The following FMN1 variants were observed in gnomAD, a reference collection of about 807,000 sequenced individuals.
FMN1 encodes the protein formin 1.
In FMN1, 110 loss-of-function variants were observed where a neutral mutation model predicts 132.4. That is an observed-to-expected ratio of 0.83 (90% confidence interval 0.71 to 0.97). FMN1 has a LOEUF of 0.97. FMN1 is among the 50% of genes least tolerant of loss of function. The pLI is 0.00. For missense variants in FMN1, 1,792 were observed against 1,705.3 expected (o/e 1.05, Z -0.90); for synonymous variants, 722 against 651.7 (o/e 1.11, Z -1.64).
intron 10 of FMN1, among the ~76,000 whole-genome samples, chr15:32,919,490 G>C (rs2060768141): frequency 6.6e-6 from 1 of 152,152 alleles, no homozygotes. Context: ...TGAGCCTTGA[G>C]ATATCAGGCT....
intron 7 of FMN1, among the ~76,000 whole-genome samples, chr15:32,997,931 T>C (rs2033874043): frequency 6.6e-6 from 1 of 152,184 alleles, no homozygotes; most frequent in Non-Finnish European, 1.5e-5. Flanking sequence ...GCTCAAGGAA[T>C]TCTGCTTTGT....
At chr15:33,074,331 G>C (rs983103134) in intron 5 of FMN1, among the ~76,000 whole-genome samples, 8 of 152,202 alleles carry the variant, frequency 5.3e-5, no homozygotes, top group African/African-American at 1.9e-4. Flanking sequence ...TACACATCTA[G>C]TTTTGTAGCA....
chr15:32,806,194 A>C (rs1204089242), intron 17 of FMN1, among the ~76,000 whole-genome samples: 2 of 152,220 alleles, frequency 1.3e-5, no homozygotes, highest in African/African-American at 4.8e-5. Context: ...AACGAAAATA[A>C]GTAAGTCTCG....
At chr15:33,166,662 G>T (rs2140311704) in intron 3 of FMN1, among the ~76,000 whole-genome samples, 1 of 152,290 alleles carries the variant, frequency 6.6e-6, no homozygotes, top group Admixed American at 6.5e-5. Flanking sequence ...TTCAGGGAGA[G>T]ATACTGGTAT....
chr15:33,149,247 C>A (rs1050309585), intron 4 of FMN1, among the ~76,000 whole-genome samples: 2 of 152,078 alleles, frequency 1.3e-5, no homozygotes, highest in East Asian at 3.8e-4. Context: ...GATATTCGAA[C>A]CTGTACCAAA....
intron 7 of FMN1, among the ~76,000 whole-genome samples, chr15:32,985,972 C>T (rs537132860): frequency 2.5e-3 from 373 of 152,062 alleles, no homozygotes; most frequent in African/African-American, 8.8e-3. Flanking sequence ...CATGTGCATC[C>T]AAATGTTAGG....
chr15:32,770,139 T>C lies in FMN1; in HGVS notation c.*4171A>G, dbSNP rs2056181184. The C allele has an allele frequency of 1.3e-5, 2 of 152,266 alleles. No homozygotes were observed. The highest frequency in any genetic ancestry group is 4.1e-4 in the South Asian group (2 of 4,822). The allele number at this position is 152,266 out of a possible 1,614,324, so 9.4% of individuals were successfully genotyped here. A position where few individuals can be genotyped will look rare whatever the true frequency, so the allele number is the denominator to read the frequency against. On this transcript the variant is annotated 3_prime_UTR_variant, in exon 21 of 21. Coordinates refer to ENST00000616417, the MANE Select transcript of FMN1 (RefSeq NM_001277313.2). ...TCTTTGTTGTTTTTGTGGATGGAGA[T>C]GAGTACTACAAAATTGACCAATTTA... is the stretch of plus-strand genomic sequence containing the variant.
intron 17 of FMN1, 74 bp downstream of exon 17, chr15:32,856,941 G>GA (rs2059145881): frequency 9.3e-7 from 1 of 1,072,276 alleles, no homozygotes; most frequent in Non-Finnish European, 1.4e-6. Context: ...AGGGGCCGTG[G>GA]GCCTCAGAGA....
rs769711018 is a variant in FMN1, at chr15:33,153,763, C to T, written c.1152G>A (p.Arg384=). Reference sequence around the variant, plus strand: ...CCCCTTGCCGCTCCTTGCCCTGCCGCCTGGAGCCATGAGCCCCAGCCTCAG... The same window carrying T: ...CCCCTTGCCGCTCCTTGCCCTGCCGTCTGGAGCCATGAGCCCCAGCCTCAG... The part of the protein sequence containing the change: ...PGAEAGAHGS[R]RQGKERQGDR... The change falls in exon 4 of 21, where the codon AGG becomes AGA. Residue 384 remains arginine (R), a synonymous_variant. Transcript: ENST00000616417. 2.0e-6 allele frequency: 3 copies of T among 1,536,310 alleles called. No homozygotes were observed. Among genetic ancestry groups the T allele is most frequent in the South Asian group, 2.4e-5 (2 of 84,060 alleles).
At chr15:33,181,512 G>A (rs1168053837) in intron 2 of FMN1, among the ~76,000 whole-genome samples, 2 of 152,018 alleles carry the variant, frequency 1.3e-5, no homozygotes, top group Non-Finnish European at 2.9e-5. Flanking sequence ...CTTACTGCAC[G>A]TGGAAGCACC....
At chr15:33,128,108 G>C (rs1292984513) in intron 4 of FMN1, among the ~76,000 whole-genome samples, 1 of 152,098 alleles carries the variant, frequency 6.6e-6, no homozygotes, top group East Asian at 1.9e-4. Context: ...CCAGAAGAAG[G>C]GAGAGGAGAC....
chr15:32,797,074 G>A (rs1429365398), intron 19 of FMN1, among the ~76,000 whole-genome samples: 1 of 151,516 alleles, frequency 6.6e-6, no homozygotes, highest in African/African-American at 2.4e-5. Context: ...ACAAACGCCC[G>A]TGGCTGGGAA....
intron 17 of FMN1, among the ~76,000 whole-genome samples, chr15:32,848,755 C>T (rs28637582): frequency 0.77 from 116,742 of 151,982 alleles, 45,127 homozygotes; most frequent in Middle Eastern, 0.83. Context: ...TTAAGAGGTA[C>T]TCACTGGTTA....
intron 16 of FMN1, among the ~76,000 whole-genome samples, chr15:32,868,147 A>T (rs1197758774): frequency 6.6e-6 from 1 of 152,232 alleles, no homozygotes; most frequent in African/African-American, 2.4e-5. Flanking sequence ...ATGGTGCCAT[A>T]AAATTATAAT....
chr15:33,126,006 CATGAG>C (rs986675700), intron 4 of FMN1, among the ~76,000 whole-genome samples: 9 of 148,656 alleles, frequency 6.1e-5, no homozygotes, highest in Non-Finnish European at 1.0e-4. Flanking sequence ...TAAATCTACA[CATGAG>C]ATAACAGTAA....
At chr15:32,984,879 A>C (rs561236646) in intron 7 of FMN1, among the ~76,000 whole-genome samples, 2 of 151,488 alleles carry the variant, frequency 1.3e-5, no homozygotes, top group Non-Finnish European at 2.9e-5. Context: ...CATTTTTTGC[A>C]AGCAATTTTT....
chr15:33,162,425 TA>T (rs202101054), intron 3 of FMN1, among the ~76,000 whole-genome samples: 203 of 142,418 alleles, frequency 1.4e-3, no homozygotes, highest in Middle Eastern at 7.1e-3. Flanking sequence ...TCAGAGGAGT[TA>T]AAAAAAAAAA....
At chr15:33,113,818 C>T (rs910496512) in intron 4 of FMN1, among the ~76,000 whole-genome samples, 1 of 152,166 alleles carries the variant, frequency 6.6e-6, no homozygotes, top group South Asian at 2.1e-4. Flanking sequence ...AGCTGAGGCC[C>T]CTGAGGTACC....
chr15:32,968,070 T>C (rs553216624), intron 8 of FMN1, among the ~76,000 whole-genome samples: 39 of 152,344 alleles, frequency 2.6e-4, no homozygotes, highest in African/African-American at 8.2e-4. Context: ...TCTATACAAA[T>C]GGAAGATGCT....
Sources: allele counts gnomAD v4.1 joint callset (sites outside exome capture counted in the v4.1 genomes callset), GRCh38; gene constraint gnomAD v4.1.1; transcripts MANE v1.5; gene names NCBI Gene and HGNC (gene_info 2026-07-23, HGNC 2026-07-21).